The following SRRM4 variants were observed in gnomAD, a reference collection of about 807,000 sequenced individuals.
The protein encoded by SRRM4 is serine/arginine repetitive matrix 4.
Under a neutral mutation model 68.9 loss-of-function variants are expected in SRRM4, and 33 were observed. The ratio of observed to expected loss-of-function variants is 0.48; its 90% CI spans 0.36 to 0.64. SRRM4 has a LOEUF of 0.64. Ranked by LOEUF, SRRM4 falls within the 30% of genes least tolerant of loss-of-function variation. The pLI is 0.00. For missense variants in SRRM4, 817 were observed against 827.1 expected, an observed-to-expected ratio of 0.99 and a Z score of 0.15; for synonymous variants, 318 against 318.8, an observed-to-expected ratio of 1.00 and a Z score of 0.03.
intron 8 of SRRM4, among the ~76,000 whole-genome samples, chr12:119,131,859 C>T (rs1437833234): frequency 6.6e-6 from 1 of 152,164 alleles, no homozygotes; most frequent in Non-Finnish European, 1.5e-5. Context: ...GGACTGTTTT[C>T]TCTAGCTACA....
At chr12:119,085,121 A>AACT (rs1565904919) in intron 1 of SRRM4, among the ~76,000 whole-genome samples, 2 of 152,050 alleles carry the variant, frequency 1.3e-5, no homozygotes, top group East Asian at 3.9e-4. Flanking sequence ...GGCTGGTCTC[A>AACT]AACTCCAGAC....
intron 1 of SRRM4, among the ~76,000 whole-genome samples, chr12:118,990,381 T>C (rs1953308952): frequency 6.6e-6 from 1 of 152,212 alleles, no homozygotes; most frequent in South Asian, 2.1e-4. Context: ...CACGTAGATG[T>C]GAATTGCTTA....
chr12:119,056,683 T>C (rs1477157659), intron 1 of SRRM4, among the ~76,000 whole-genome samples: 1 of 152,142 alleles, frequency 6.6e-6, no homozygotes, highest in Non-Finnish European at 1.5e-5. Flanking sequence ...GCCTCACTTG[T>C]TCTCACTCGG....
chr12:119,057,901 T>C (rs549423066), intron 1 of SRRM4, among the ~76,000 whole-genome samples: 2 of 152,294 alleles, frequency 1.3e-5, no homozygotes, highest in Admixed American at 6.5e-5. Context: ...CCAGGGTTTT[T>C]TCTATCCCTC....
At chr12:119,085,033 C>T (rs1189204574) in intron 1 of SRRM4, among the ~76,000 whole-genome samples, 4 of 152,186 alleles carry the variant, frequency 2.6e-5, no homozygotes, top group East Asian at 1.9e-4. Context: ...CCCGAGTAGC[C>T]GGGATTACAG....
At chr12:119,109,248 C>G (rs1025012530) in intron 2 of SRRM4, among the ~76,000 whole-genome samples, 2 of 152,082 alleles carry the variant, frequency 1.3e-5, no homozygotes, top group Non-Finnish European at 2.9e-5. Context: ...TCTGGCTGCC[C>G]TTAACATTTT....
At chr12:119,039,927 C>T (rs757173650) in intron 1 of SRRM4, among the ~76,000 whole-genome samples, 2 of 152,130 alleles carry the variant, frequency 1.3e-5, no homozygotes, top group Non-Finnish European at 2.9e-5. Context: ...CGCACTGCCC[C>T]ACACACCAAT....
intron 1 of SRRM4, among the ~76,000 whole-genome samples, chr12:119,054,429 G>A (rs1953764632): frequency 6.6e-6 from 1 of 152,090 alleles, no homozygotes; most frequent in Non-Finnish European, 1.5e-5. Context: ...AGGGAAGTAG[G>A]GTAACTTACC....
intron 1 of SRRM4, among the ~76,000 whole-genome samples, chr12:119,037,138 A>T (rs1953633316): frequency 2.0e-5 from 3 of 152,014 alleles, no homozygotes; most frequent in Admixed American, 2.0e-4. Flanking sequence ...GGTTCCCCCC[A>T]GTTCTTGGGT....
chr12:119,154,211 C>A lies in SRRM4; in HGVS notation c.1392-32C>A. The A allele has an allele frequency of 6.4e-7, 1 of 1,571,912 alleles. No individual in the cohort carries two copies. Among genetic ancestry groups the A allele is most frequent in the East Asian group, 2.3e-5 (1 of 42,660 alleles). On this transcript the variant is annotated intron_variant, in intron 11 of 12. Coordinates refer to ENST00000267260, the MANE Select transcript of SRRM4 (RefSeq NM_194286.4). This position sits in a 1 kb window ranked among gnomAD's most constrained non-coding sequence, Gnocchi z 4.7. ...TCACGCAGAAAATCCAGCCCAGCCC[C>A]AGCTCCCCAGTAACCCCCCGCGCCC...
In SRRM4 at chr12:118,981,816, C is replaced by A; in HGVS notation, c.-67C>A. The A allele has an allele frequency of 1.3e-6, 2 of 1,555,050 alleles. No individual in the cohort carries two copies. Among genetic ancestry groups the A allele is most frequent in the Non-Finnish European group, 8.7e-7 (1 of 1,148,292 alleles). On this transcript the variant is annotated 5_prime_UTR_variant, in exon 1 of 13. Coordinates refer to ENST00000267260, the MANE Select transcript of SRRM4 (RefSeq NM_194286.4). The stretch of plus-strand genomic sequence containing the variant: ...CAGAGCCGGGAGCTGGGTGTCGCCC[C>A]CGTTTGGAATCCACGTTTCAGCACT...
At chr12:119,129,357 T>C (rs2136056932) in intron 7 of SRRM4, among the ~76,000 whole-genome samples, 1 of 152,284 alleles carries the variant, frequency 6.6e-6, no homozygotes, top group South Asian at 2.1e-4. Context: ...ATGCCTTTGG[T>C]TTTTACTGCA....
At chr12:119,040,885 G>A (rs1292975590) in intron 1 of SRRM4, among the ~76,000 whole-genome samples, 1 of 151,982 alleles carries the variant, frequency 6.6e-6, no homozygotes, top group Admixed American at 6.5e-5. Flanking sequence ...GAGAAGCTGG[G>A]ATTACAGGCA....
chr12:119,052,242 T>C (rs1953747590), intron 1 of SRRM4, among the ~76,000 whole-genome samples: 1 of 152,192 alleles, frequency 6.6e-6, no homozygotes, highest in South Asian at 2.1e-4. Context: ...GGATGTGGAC[T>C]GTTCCCATGT....
chr12:119,161,855 C>T lies in SRRM4; in HGVS notation c.*5057C>T, dbSNP rs921303111. On this transcript the variant is annotated 3_prime_UTR_variant, in exon 13 of 13. Coordinates refer to ENST00000267260, the MANE Select transcript of SRRM4 (RefSeq NM_194286.4). ...GAAGAATAAAATGCCTACACATGAA[C>T]CAACTTCTATTAAAAAGTCACAACT... The T allele has an allele frequency of 2.0e-5, 3 of 151,736 alleles. No homozygotes were observed. Among genetic ancestry groups the T allele is most frequent in the Non-Finnish European group, 4.4e-5 (3 of 67,898 alleles). 9.4% of individuals were successfully genotyped at this position (151,736 alleles called of 1,614,324 possible). A position where few individuals can be genotyped will look rare whatever the true frequency, so the allele number is the denominator to read the frequency against.
At chr12:119,004,882 TC>T (rs1953406567) in intron 1 of SRRM4, among the ~76,000 whole-genome samples, 1 of 151,902 alleles carries the variant, frequency 6.6e-6, no homozygotes, top group Non-Finnish European at 1.5e-5. Context: ...TCTTCCAGGA[TC>T]CATTTTCCTT....
At chr12:119,147,308 G>A (rs918616560) in intron 9 of SRRM4, among the ~76,000 whole-genome samples, 11 of 152,162 alleles carry the variant, frequency 7.2e-5, no homozygotes, top group African/African-American at 1.2e-4. Context: ...GAGGGTGAGG[G>A]GACAGAGGGA....
In SRRM4 at chr12:119,130,816, C is replaced by T. The variant is rs1183640274; in HGVS notation, c.753C>T (p.Tyr251=). Residue 251 remains tyrosine (Y), a synonymous_variant, in exon 8 of 13, where the codon TAC becomes TAT. Coordinates refer to ENST00000267260, the MANE Select transcript of SRRM4 (RefSeq NM_194286.4). Reference sequence around the variant, plus strand: ...GTCAACCCCTCCAGATGCTTGGCTACCTGTCAGCCAGGGGTGTAGTAAGTA... The same window carrying T: ...GTCAACCCCTCCAGATGCTTGGCTATCTGTCAGCCAGGGGTGTAGTAAGTA... The part of the protein sequence containing the change: ...PPSQPLQMLG[Y]LSARGVITGS... 6.2e-7 allele frequency: 1 copy of T among 1,605,726 alleles called. No individual in the cohort carries two copies. The highest frequency in any genetic ancestry group is 2.2e-5 in the East Asian group (1 of 44,868).
At chr12:119,122,694 GAC>G (rs1954229739) in intron 6 of SRRM4, among the ~76,000 whole-genome samples, 1 of 152,106 alleles carries the variant, frequency 6.6e-6, no homozygotes, top group Non-Finnish European at 1.5e-5. Flanking sequence ...GTATACATAG[GAC>G]ACACTAAATT....
Sources: allele counts gnomAD v4.1 joint callset (sites outside exome capture counted in the v4.1 genomes callset), GRCh38; gene constraint gnomAD v4.1.1; non-coding constraint Gnocchi (gnomAD v3.1); transcripts MANE v1.5; gene names NCBI Gene and HGNC (gene_info 2026-07-23, HGNC 2026-07-21).